The following BEGAIN variants were observed in gnomAD, a reference collection of about 807,000 sequenced individuals.
BEGAIN encodes the protein brain-enriched guanylate kinase-associated protein.
In BEGAIN, 19 loss-of-function variants were observed where a neutral mutation model predicts 35.8. That is an observed-to-expected ratio of 0.53 (90% CI 0.37 to 0.78). The LOEUF (loss-of-function observed/expected upper bound fraction) is 0.78. Among genes scored for constraint, BEGAIN ranks in the 30% least tolerant of loss-of-function variants. The pLI, the probability that BEGAIN is intolerant of heterozygous loss-of-function variation, is 0.00. For synonymous variants in BEGAIN, 462 were observed against 388.6 expected (o/e 1.19, Z -2.22); for missense variants, 795 against 853.6 (o/e 0.93, Z 0.85).
At chr14:100,561,715 C>CG (rs988308945) in intron 2 of BEGAIN, among the ~76,000 whole-genome samples, 4 of 132,166 alleles carry the variant, frequency 3.0e-5, no homozygotes, top group East Asian at 2.8e-4. Context: ...GCAAGACTGT[C>CG]GAAAAAAAAA....
chr14:100,584,019 C>T (rs2035382717), intron 1 of BEGAIN, among the ~76,000 whole-genome samples: 2 of 152,172 alleles, frequency 1.3e-5, no homozygotes. Context: ...GGTTTCTACC[C>T]ATCCATCCGC....
chr14:100,571,135 C>T (rs780389563), intron 1 of BEGAIN, among the ~76,000 whole-genome samples: 1 of 152,172 alleles, frequency 6.6e-6, no homozygotes, highest in African/African-American at 2.4e-5. Context: ...CATTCACACC[C>T]GCTGCCTCTT....
rs995652244 is a variant in BEGAIN at position 100,573,730 on chromosome 14, CA to C, written c.43-5792del. ...TGCCCCTTGGCCATCCCAGGGGAGA[CA>C]CCAAGGGCTGGGAAATGGGCTTGGA... On this transcript the variant is annotated intron_variant, in intron 1 of 6. Coordinates refer to ENST00000554140, the MANE Select transcript of BEGAIN (RefSeq NM_001385089.1). This position sits in a 1 kb window ranked among gnomAD's most constrained non-coding sequence, Gnocchi z 4.2. 3.3e-5 allele frequency among the ~76,000 whole-genome samples: 5 copies of C among 152,070 alleles called. No homozygotes were observed. The highest frequency in any genetic ancestry group is 7.2e-5 in the African/African-American group (3 of 41,396).
In BEGAIN at chr14:100,538,797, C is replaced by T. The variant is rs772540238; in HGVS notation, c.1011G>A (p.Leu337=). The change falls in exon 7 of 7, where the codon CTG becomes CTA. Residue 337 remains leucine, a synonymous_variant. Transcript: ENST00000554140. The part of the protein sequence containing the change: ...EEKEHAQAST[L]TASQQAIYLN... ...GGTAGATGGCCTGCTGCGACGCGGT[C>T]AGCGTGCTGGCCTGCGCGTGCTCCT... 66 of 1,599,296 alleles carry T rather than the reference C, an allele frequency of 4.1e-5. No individual in the cohort carries two copies. Among genetic ancestry groups the T allele is most frequent in the Non-Finnish European group, 5.4e-5 (63 of 1,174,930 alleles).
intron 2 of BEGAIN, among the ~76,000 whole-genome samples, chr14:100,550,117 GA>G (rs1431401499): frequency 6.6e-6 from 1 of 152,222 alleles, no homozygotes; most frequent in African/African-American, 2.4e-5. Context: ...TTGCCTGTGG[GA>G]ATTCCCTGGA....
chr14:100,570,297 G>A (rs2035037763), intron 1 of BEGAIN, among the ~76,000 whole-genome samples: 1 of 152,266 alleles, frequency 6.6e-6, no homozygotes, highest in Non-Finnish European at 1.5e-5. Context: ...GGAAAGGCAG[G>A]GGAGGTTGCT....
chr14:100,554,434 G>A (rs990627369), intron 2 of BEGAIN, among the ~76,000 whole-genome samples: 2 of 152,032 alleles, frequency 1.3e-5, no homozygotes, highest in Admixed American at 6.5e-5. Flanking sequence ...GTCATGCTCC[G>A]GCAACACTAA....
Position 100,580,117 on chromosome 14 carries a change from C to T in BEGAIN, c.42+7132G>A, listed in dbSNP as rs765633546. ...GTCAGGAGTTCGAGACTAGCCTAACCAACATGGTGAAACCCCATCTCTACT... is the reference window on the plus strand; with the variant it reads ...GTCAGGAGTTCGAGACTAGCCTAACTAACATGGTGAAACCCCATCTCTACT... On this transcript the variant is annotated intron_variant, in intron 1 of 6. Transcript: ENST00000554140. Among the ~76,000 whole-genome samples the T allele has an allele frequency of 3.4e-4, 52 of 152,136 alleles. 1 individual carries two copies. The highest frequency in any genetic ancestry group is 9.2e-4 in the Admixed American group (14 of 15,278).
chr14:100,552,065 C>T (rs1385157532), intron 2 of BEGAIN, among the ~76,000 whole-genome samples: 1 of 152,150 alleles, frequency 6.6e-6, no homozygotes, highest in African/African-American at 2.4e-5. Flanking sequence ...TCCCATGGGC[C>T]TCCTCCTCCC....
At chr14:100,541,607 A>G (rs4077299) in intron 5 of BEGAIN, among the ~76,000 whole-genome samples, 85,670 of 152,096 alleles carry the variant, frequency 0.56, 27,763 homozygotes, top group African/African-American at 0.89. Flanking sequence ...GACCCCTTGT[A>G]TGACCCCAGT....
At position 100,586,734 on chromosome 14, in the gene BEGAIN, C is replaced by A. The variant is rs1168686372; in HGVS notation, c.42+515G>T. ...GAATGGGATGGTGGTGTCCGAGGTT[C>A]GTGCGCGCCCACGCGCTGCAAACGC... On this transcript the variant is annotated intron_variant, in intron 1 of 6. Transcript: ENST00000554140. The surrounding 1 kb of genome is among the most constrained non-coding windows in gnomAD (Gnocchi z 4.9). 6.6e-6 allele frequency among the ~76,000 whole-genome samples: 1 copy of A among 152,156 alleles called. No individual in the cohort carries two copies. Among genetic ancestry groups the A allele is most frequent in the Non-Finnish European group, 1.5e-5 (1 of 68,020 alleles).
intron 2 of BEGAIN, 105 bp from the exon 3 acceptor site, chr14:100,546,767 CG>C: frequency 1.8e-6 from 1 of 569,646 alleles, no homozygotes; most frequent in Non-Finnish European, 2.4e-6. Context: ...AGTACCGGCG[CG>C]CGCGCGCGCG....
chr14:100,555,838 G>A (rs372333754), intron 2 of BEGAIN, among the ~76,000 whole-genome samples: 7 of 152,186 alleles, frequency 4.6e-5, no homozygotes, highest in Non-Finnish European at 8.8e-5. Context: ...AGCCGTGCCC[G>A]CCCAGGCCTG....
chr14:100,554,635 C>T (rs1381709050), intron 2 of BEGAIN, among the ~76,000 whole-genome samples: 3 of 151,620 alleles, frequency 2.0e-5, no homozygotes, highest in East Asian at 3.9e-4. Context: ...TGCTGCCCCT[C>T]ACTCCCCACC....
At chr14:100,582,338 T>C (rs2035336703) in intron 1 of BEGAIN, among the ~76,000 whole-genome samples, 1 of 151,992 alleles carries the variant, frequency 6.6e-6, no homozygotes, top group African/African-American at 2.4e-5. Flanking sequence ...AGAGATGGGG[T>C]TTCTCCATGT....
At chr14:100,577,838 T>C (rs2035234781) in intron 1 of BEGAIN, 2 of 399,252 alleles carry the variant, frequency 5.0e-6, no homozygotes, top group Non-Finnish European at 8.8e-6. Flanking sequence ...AGGTCCTGTC[T>C]GTGAGCTTCC....
At chr14:100,546,360 CG>C (rs2032393980) in intron 3 of BEGAIN, 140 bp downstream of exon 3, 1 of 237,882 alleles carries the variant, frequency 4.2e-6, no homozygotes, top group African/African-American at 2.9e-5. Context: ...CGCCCCGCCC[CG>C]GCCCTCGCCC....
intron 2 of BEGAIN, chr14:100,550,579 C>A (rs1184740193): frequency 1.0e-5 from 4 of 398,390 alleles, no homozygotes; most frequent in Non-Finnish European, 1.8e-5. Context: ...ATGCGTGGCC[C>A]ACCATCAGGG....
chr14:100,544,764 C>T (rs565594526), intron 4 of BEGAIN, among the ~76,000 whole-genome samples: 119 of 152,296 alleles, frequency 7.8e-4, no homozygotes, highest in Non-Finnish European at 1.5e-3. Context: ...GCCCCTCTTA[C>T]ACACCCCCAG....
Sources: allele counts gnomAD v4.1 joint callset (sites outside exome capture counted in the v4.1 genomes callset), GRCh38; gene constraint gnomAD v4.1.1; non-coding constraint Gnocchi (gnomAD v3.1); transcripts MANE v1.5; gene names NCBI Gene and HGNC (gene_info 2026-07-23, HGNC 2026-07-21).